The following DDR2 variants were observed in gnomAD, a reference collection of about 807,000 sequenced individuals.
DDR2 encodes the protein discoidin domain receptor tyrosine kinase 2.
A neutral mutation model predicts 94.9 loss-of-function variants in DDR2; 27 were observed. The observed-to-expected ratio is 0.28, with a 90% CI of 0.21 to 0.39. The LOEUF is 0.39. Among genes scored for constraint, DDR2 ranks in the 10% least tolerant of loss-of-function variants. The pLI is 1.00. For missense variants in DDR2, 783 were observed against 1,076.0 expected, an observed-to-expected ratio of 0.73 and a Z score of 3.81; for synonymous variants, 382 against 377.2, an observed-to-expected ratio of 1.01 and a Z score of -0.15.
chr1:162,657,090 G>A (rs993886506), intron 2 of DDR2, among the ~76,000 whole-genome samples: 4 of 151,674 alleles, frequency 2.6e-5, no homozygotes, highest in African/African-American at 9.7e-5. Context: ...TCCTACCACC[G>A]TGCCCTCCTA....
intron 3 of DDR2, among the ~76,000 whole-genome samples, chr1:162,736,564 G>A (rs1662309839): frequency 6.6e-6 from 1 of 152,186 alleles, no homozygotes; most frequent in South Asian, 2.1e-4. Context: ...TTATCATATT[G>A]CCTGACACTT....
chr1:162,642,774 C>T (rs1488744891), intron 1 of DDR2, among the ~76,000 whole-genome samples: 2 of 152,116 alleles, frequency 1.3e-5, no homozygotes, highest in East Asian at 1.9e-4. Context: ...TTTATTTAAC[C>T]TTTCCCTCTC....
chr1:162,686,488 T>C (rs1015553298), intron 2 of DDR2, among the ~76,000 whole-genome samples: 3 of 152,204 alleles, frequency 2.0e-5, no homozygotes, highest in African/African-American at 7.2e-5. Flanking sequence ...TGTTCCTGTG[T>C]TAGTTTGCTG....
chr1:162,755,890 G>A (rs1663441336), intron 7 of DDR2, 121 bp downstream of exon 7: 1 of 887,500 alleles, frequency 1.1e-6, no homozygotes, highest in East Asian at 2.6e-5. Context: ...CTTGTACAAG[G>A]CATTTGGAAA....
At chr1:162,683,610 A>G (rs1026045719) in intron 2 of DDR2, among the ~76,000 whole-genome samples, 4 of 152,118 alleles carry the variant, frequency 2.6e-5, no homozygotes, top group African/African-American at 9.7e-5. Flanking sequence ...AATAAGTGTA[A>G]GTACATTTAA....
chr1:162,636,531 G>A (rs1460977040), intron 1 of DDR2, among the ~76,000 whole-genome samples: 1 of 152,196 alleles, frequency 6.6e-6, no homozygotes, highest in Non-Finnish European at 1.5e-5. Context: ...TAGTGTGAGT[G>A]AGAGGGAGAG....
intron 2 of DDR2, among the ~76,000 whole-genome samples, chr1:162,683,213 A>G (rs1659498308): frequency 6.6e-6 from 1 of 152,186 alleles, no homozygotes; most frequent in Non-Finnish European, 1.5e-5. Context: ...AAAAGTTTAC[A>G]GCTAACATCA....
In DDR2 at chr1:162,667,450, G is replaced by T. The variant is rs370376396; in HGVS notation, c.-28+12076G>T. Among the ~76,000 whole-genome samples, 20 of 152,240 alleles carry T rather than the reference G, an allele frequency of 1.3e-4. No homozygotes were observed. The East Asian group carries it at 3.1e-3, about 24-fold the overall frequency. The stretch of plus-strand genomic sequence containing the variant: ...TGTCCAGAGCTCTTTTTGTCACACT[G>T]CAATAAAGCACAAGTCAACAGGAAA... On this transcript the variant is annotated intron_variant, in intron 2 of 17. Coordinates refer to ENST00000367921, the MANE Select transcript of DDR2 (RefSeq NM_006182.4).
Position 162,780,413 on chromosome 1 carries a change from A to ATT in DDR2, c.*168_*169insTT. On this transcript the variant is annotated 3_prime_UTR_variant, in exon 18 of 18. Coordinates refer to ENST00000367921, the MANE Select transcript of DDR2 (RefSeq NM_006182.4). ...CACCCCCACTCCCTACCCCTGACTC[A>ATT]TATACACTTTTTTTTTTTTTTACAT... 1.3e-6 allele frequency: 1 copy of ATT among 758,526 alleles called. No individual in the cohort carries two copies. The highest frequency in any genetic ancestry group is 1.9e-6 in the Non-Finnish European group (1 of 535,126). 47.0% of individuals were successfully genotyped at this position (758,526 alleles called of 1,614,324 possible).
intron 2 of DDR2, among the ~76,000 whole-genome samples, chr1:162,668,896 C>T (rs965674451): frequency 4.6e-5 from 7 of 152,156 alleles, no homozygotes; most frequent in African/African-American, 7.2e-5. Flanking sequence ...TTCAACCCAC[C>T]ATGCTATTAA....
intron 2 of DDR2, among the ~76,000 whole-genome samples, chr1:162,685,953 T>C (rs1177213371): frequency 1.3e-5 from 2 of 152,186 alleles, no homozygotes; most frequent in African/African-American, 4.8e-5. Context: ...CTATTCAGCA[T>C]CAGACAGTGC....
At chr1:162,710,789 A>AC (rs1558039909) in intron 2 of DDR2, among the ~76,000 whole-genome samples, 2 of 121,550 alleles carry the variant, frequency 1.6e-5, no homozygotes, top group African/African-American at 3.0e-5. Context: ...CACACACACA[A>AC]ACATTGTATT....
intron 3 of DDR2, among the ~76,000 whole-genome samples, chr1:162,733,920 G>A (rs546575516): frequency 5.3e-5 from 8 of 152,204 alleles, no homozygotes; most frequent in South Asian, 4.2e-4. Context: ...CCATAGCTTC[G>A]TCACATTATC....
chr1:162,762,171 C>T (rs1204313192), intron 9 of DDR2, among the ~76,000 whole-genome samples: 4 of 152,114 alleles, frequency 2.6e-5, no homozygotes, highest in Non-Finnish European at 4.4e-5. Context: ...TGCTCTGTGT[C>T]TCTTTTAATC....
At chr1:162,755,443 C>A in intron 6 of DDR2, 140 bp downstream of exon 6, 1 of 1,230,930 alleles carries the variant, frequency 8.1e-7, no homozygotes, top group Non-Finnish European at 1.2e-6. Context: ...GAGACAGAAG[C>A]ATTGCTCATT....
Position 162,770,309 on chromosome 1 carries a change from G to A in DDR2, c.1301G>A (p.Arg434Gln), listed in dbSNP as rs748144091. The change falls in exon 12 of 18, where the codon CGG (arginine) becomes CAG (glutamine). Residue 434 changes from arginine (R) to glutamine (Q), a missense_variant. By Grantham distance (43) the Arg-to-Gln change is conservative. Around this residue, in one of 2 missense-constraint regions of DDR2, gnomAD observed 519 missense variants for 647.9 expected, o/e 0.80. Coordinates refer to ENST00000367921, the MANE Select transcript of DDR2 (RefSeq NM_006182.4). ...CTTGCTCTTCTCTTCCAGGCTTCTCGGAGGATGCTGGATGATGAAATGACA... is the reference window on the plus strand; with the variant it reads ...CTTGCTCTTCTCTTCCAGGCTTCTCAGAGGATGCTGGATGATGAAATGACA... ...FWQKMLEKAS[R>Q]RMLDDEMTVS... 5 of 1,613,860 alleles carry A rather than the reference G, an allele frequency of 3.1e-6. No homozygotes were observed. Among genetic ancestry groups the A allele is most frequent in the African/African-American group, 2.7e-5 (2 of 74,864 alleles).
chr1:162,709,626 C>T (rs1660808565), intron 2 of DDR2, among the ~76,000 whole-genome samples: 1 of 152,226 alleles, frequency 6.6e-6, no homozygotes, highest in Admixed American at 6.5e-5. Context: ...GGCTGACCCT[C>T]TTGTGCCCAG....
chr1:162,699,885 T>C (rs949523432), intron 2 of DDR2, among the ~76,000 whole-genome samples: 1 of 152,208 alleles, frequency 6.6e-6, no homozygotes, highest in Non-Finnish European at 1.5e-5. Context: ...ATAAATAGTT[T>C]AGATAACACT....
At chr1:162,733,124 G>C (rs2102064885) in intron 3 of DDR2, among the ~76,000 whole-genome samples, 1 of 152,384 alleles carries the variant, frequency 6.6e-6, no homozygotes, top group Admixed American at 6.5e-5. Flanking sequence ...CTTTGCTGCA[G>C]GGTCTCTTGC....
Sources: gnomAD v4.1 joint callset for allele counts (sites outside exome capture counted in the v4.1 genomes callset) on GRCh38, gnomAD v4.1.1 for gene constraint, gnomAD v4.1.1 regional missense constraint, MANE v1.5 for transcripts, NCBI Gene and HGNC (gene_info 2026-07-23, HGNC 2026-07-21) for gene names.